The following DPP10 variants were observed in gnomAD, a reference collection of about 807,000 sequenced individuals.
DPP10 encodes inactive dipeptidyl peptidase 10.
Under a neutral mutation model 120.9 loss-of-function variants are expected in DPP10, and 33 were observed. That is an observed-to-expected ratio of 0.27 (90% CI 0.21 to 0.37). The LOEUF (loss-of-function observed/expected upper bound fraction) is 0.37. DPP10 is among the 10% of genes least tolerant of loss of function. The probability of loss-of-function intolerance (pLI) is 1.00; values close to 1 mark genes in which losing one functional copy is unlikely to be tolerated. For synonymous variants in DPP10, 337 were observed against 326.1 expected (o/e 1.03, Z -0.36); for missense variants, 816 against 942.8 (o/e 0.87, Z 1.76).
intron 1 of DPP10, among the ~76,000 whole-genome samples, chr2:114,579,561 A>G (rs1690329627): frequency 6.6e-6 from 1 of 152,218 alleles, no homozygotes; most frequent in South Asian, 2.1e-4. Flanking sequence ...TTTCTGTAGA[A>G]TTTATAACCT....
chr2:115,402,835 C>A (rs1263350674), intron 3 of DPP10, among the ~76,000 whole-genome samples: 5 of 97,770 alleles, frequency 5.1e-5, no homozygotes, highest in Non-Finnish European at 9.9e-5. Context: ...GACAAGGACA[C>A]TACAAGGAAA....
At chr2:115,631,942 C>G (rs1006406047) in intron 5 of DPP10, among the ~76,000 whole-genome samples, 1 of 152,134 alleles carries the variant, frequency 6.6e-6, no homozygotes, top group African/African-American at 2.4e-5. Flanking sequence ...TGCTGCAGAA[C>G]TGAGTTCAAG....
chr2:114,714,303 T>A (rs963451628), intron 1 of DPP10, among the ~76,000 whole-genome samples: 1 of 152,178 alleles, frequency 6.6e-6, no homozygotes, highest in Non-Finnish European at 1.5e-5. Context: ...TCCCAAAAAG[T>A]AGAAATTAAT....
intron 1 of DPP10, among the ~76,000 whole-genome samples, chr2:115,086,302 A>G (rs1708689984): frequency 6.6e-6 from 1 of 152,024 alleles, no homozygotes; most frequent in African/African-American, 2.4e-5. Context: ...TAACCCGAAT[A>G]TTTCTTTTCT....
intron 2 of DPP10, chr2:115,342,262 A>G (rs1379269673): frequency 5.1e-6 from 2 of 395,384 alleles, no homozygotes; most frequent in Non-Finnish European, 1.0e-5. Flanking sequence ...ATAGTGGTGC[A>G]GTGGTGCGAT....
intron 3 of DPP10, among the ~76,000 whole-genome samples, chr2:115,425,644 A>G (rs2070385595): frequency 6.6e-6 from 1 of 152,138 alleles, no homozygotes. Flanking sequence ...TAACTCAACC[A>G]TTTTTCATTT....
intron 1 of DPP10, among the ~76,000 whole-genome samples, chr2:114,832,255 C>CG (rs1402256301): frequency 6.6e-6 from 1 of 152,146 alleles, no homozygotes; most frequent in Non-Finnish European, 1.5e-5. Flanking sequence ...TGGCCCTGGC[C>CG]GGGGGTGGTG....
At chr2:115,211,392 C>T (rs1343288530) in intron 1 of DPP10, among the ~76,000 whole-genome samples, 2 of 151,964 alleles carry the variant, frequency 1.3e-5, no homozygotes, top group Non-Finnish European at 2.9e-5. Context: ...ATAGATAATA[C>T]CTAGGAAGGC....
Position 115,191,231 on chromosome 2 carries a change from C to T in DPP10, c.61-118008C>T, listed in dbSNP as rs376841499. On this transcript the variant is annotated intron_variant, in intron 1 of 25. Coordinates refer to ENST00000410059, the MANE Select transcript of DPP10 (RefSeq NM_020868.6). Reference sequence around the variant, plus strand: ...AAGAAACTGCAAGTACTAGCTGGGGCGGTCCATCCTTGCTCTTCGGTGTTT... The same window carrying T: ...AAGAAACTGCAAGTACTAGCTGGGGTGGTCCATCCTTGCTCTTCGGTGTTT... Among the ~76,000 whole-genome samples the T allele has an allele frequency of 1.2e-3, 186 of 152,326 alleles. 1 individual carries two copies. The highest frequency in any genetic ancestry group is 4.1e-3 in the African/African-American group (171 of 41,576).
At chr2:115,434,846 C>T (rs1401066919) in intron 3 of DPP10, among the ~76,000 whole-genome samples, 2 of 151,724 alleles carry the variant, frequency 1.3e-5, no homozygotes, top group African/African-American at 4.8e-5. Flanking sequence ...AATACCCTTC[C>T]CAGCCTCTGA....
chr2:114,613,424 C>G (rs1693433547), intron 1 of DPP10, among the ~76,000 whole-genome samples: 1 of 152,146 alleles, frequency 6.6e-6, no homozygotes, highest in African/African-American at 2.4e-5. Context: ...AACCTTTTCT[C>G]AAGCCAATTA....
intron 1 of DPP10, among the ~76,000 whole-genome samples, chr2:115,188,813 T>C (rs1269717203): frequency 6.6e-6 from 1 of 152,086 alleles, no homozygotes; most frequent in Non-Finnish European, 1.5e-5. Flanking sequence ...TAGACACCTA[T>C]TTCACAAACC....
chr2:115,671,537 TAAC>T (rs1415641077), intron 5 of DPP10, among the ~76,000 whole-genome samples: 1 of 151,964 alleles, frequency 6.6e-6, no homozygotes, highest in Non-Finnish European at 1.5e-5. Context: ...CATTTTGAAA[TAAC>T]AATATTTTAG....
intron 1 of DPP10, among the ~76,000 whole-genome samples, chr2:115,152,522 C>G (rs10196806): frequency 1.8e-3 from 267 of 152,218 alleles, no homozygotes; most frequent in African/African-American, 6.1e-3. Context: ...ACTTTTCAAC[C>G]TAAAGGAGAT....
chr2:114,807,956 T>G (rs763774975), intron 1 of DPP10, among the ~76,000 whole-genome samples: 1 of 152,232 alleles, frequency 6.6e-6, no homozygotes, highest in Non-Finnish European at 1.5e-5. Flanking sequence ...CAAATCAGTG[T>G]GCCTGCAAGT....
At chr2:114,670,753 T>A (rs760581409) in intron 1 of DPP10, among the ~76,000 whole-genome samples, 6 of 152,014 alleles carry the variant, frequency 3.9e-5, no homozygotes, top group Non-Finnish European at 7.4e-5. Context: ...AAAGAACAAG[T>A]TGTATTTATA....
At chr2:114,612,356 AAACCACAGGCAGGGCTAAGC>A (rs1693350485) in intron 1 of DPP10, among the ~76,000 whole-genome samples, 1 of 152,202 alleles carries the variant, frequency 6.6e-6, no homozygotes, top group Non-Finnish European at 1.5e-5. Flanking sequence ...TCCAAATCCC[AAACCACAGGCAGGGCTAAGC>A]AACCCTCCTT....
intron 8 of DPP10, among the ~76,000 whole-genome samples, chr2:115,729,286 A>C (rs1281992468): frequency 6.6e-6 from 1 of 152,212 alleles, no homozygotes; most frequent in Non-Finnish European, 1.5e-5. Context: ...GCAGGAGCTA[A>C]TTGAAGTGCA....
intron 3 of DPP10, among the ~76,000 whole-genome samples, chr2:115,396,503 G>T (rs1464862388): frequency 6.6e-6 from 1 of 152,158 alleles, no homozygotes; most frequent in African/African-American, 2.4e-5. Context: ...TTTTAAAAAT[G>T]GAAATTCTGT....
Sources: gnomAD v4.1 joint callset for allele counts (sites outside exome capture counted in the v4.1 genomes callset) on GRCh38, gnomAD v4.1.1 for gene constraint, MANE v1.5 for transcripts, NCBI Gene and HGNC (gene_info 2026-07-23, HGNC 2026-07-21) for gene names.